ZNF416: variants seen among roughly 807,000 people sequenced by gnomAD.
ZNF416 encodes the protein zinc finger protein 416.
A neutral mutation model predicts 10.9 loss-of-function variants in ZNF416; 5 were observed. The observed-to-expected ratio is 0.46, with a 90% CI of 0.24 to 0.97. ZNF416 has a LOEUF of 0.97. ZNF416 is among the 50% of genes least tolerant of loss of function. ZNF416 has a pLI of 0.19. For missense variants in ZNF416, 675 were observed against 715.0 expected (o/e 0.94, Z 0.64); for synonymous variants, 267 against 251.8 (o/e 1.06, Z -0.57).
At position 57,573,598 on chromosome 19, in the gene ZNF416, C is replaced by A. The variant is rs146524018; in HGVS notation, c.306G>T (p.Lys102Asn). Residue 102 changes from lysine (K) to asparagine (N), a missense_variant, in exon 4 of 4, where the codon AAG becomes AAT. By Grantham distance (94) the Lys-to-Asn change is moderately conservative (BLOSUM62 0). Transcript: ENST00000196489. ...RTPEASPSTQ[K>N]IQSCDMCVPF... ...GGACACACATGTCACAGGATTGAATCTTCTGGGTGGATGGACTGGCCTCTG... is the reference window on the plus strand; with the variant it reads ...GGACACACATGTCACAGGATTGAATATTCTGGGTGGATGGACTGGCCTCTG... The A allele has an allele frequency of 1.0e-4, 163 of 1,614,206 alleles. No homozygotes were observed. Among genetic ancestry groups the A allele is most frequent in the Middle Eastern group, 4.9e-4 (3 of 6,062 alleles).
chr19:57,578,644 G>A, intron 1 of ZNF416, 28 bp downstream of exon 1: 1 of 1,539,388 alleles, frequency 6.5e-7, no homozygotes, highest in South Asian at 1.2e-5. Flanking sequence ...GGAGAGGGCA[G>A]GTGAGGCCCG....
Position 57,575,999 on chromosome 19 carries a change from C to T in ZNF416, c.76-69G>A. On this transcript the variant is annotated intron_variant, in intron 2 of 3. Transcript: ENST00000196489. This position sits in a 1 kb window ranked among gnomAD's most constrained non-coding sequence, Gnocchi z 4.4. ...TAGGACCCCAAGTTCATGCCCCCCACACATCCTTTCCCTGCTTATCCCCAT... is the reference window on the plus strand; with the variant it reads ...TAGGACCCCAAGTTCATGCCCCCCATACATCCTTTCCCTGCTTATCCCCAT... 6.4e-7 allele frequency: 1 copy of T among 1,566,440 alleles called. No homozygotes were observed. The highest frequency in any genetic ancestry group is 1.2e-5 in the South Asian group (1 of 84,408).
At chr19:57,574,726 C>T (rs562570316) in intron 3 of ZNF416, among the ~76,000 whole-genome samples, 57 of 152,266 alleles carry the variant, frequency 3.7e-4, no homozygotes, top group African/African-American at 1.3e-3. Flanking sequence ...GTACAGTACA[C>T]AAGGAGAGGC....
Position 57,575,413 on chromosome 19 carries a change from G to A in ZNF416, c.202+391C>T, listed in dbSNP as rs1978495308. Among the ~76,000 whole-genome samples the A allele has an allele frequency of 6.6e-6, 1 of 152,128 alleles. No homozygotes were observed. Among genetic ancestry groups the A allele is most frequent in the Non-Finnish European group, 1.5e-5 (1 of 68,024 alleles). ...ACACAGATCCTTGAAGGAGGTTCTG[G>A]CAACCACAGCTCATGGTCCATGTAA... On this transcript the variant is annotated intron_variant, in intron 3 of 3. Transcript: ENST00000196489. The surrounding 1 kb of genome is among the most constrained non-coding windows in gnomAD (Gnocchi z 4.4).
chr19:57,578,284 T>C (rs1014465493), intron 1 of ZNF416, among the ~76,000 whole-genome samples, 186 bp from the exon 2 acceptor site: 2 of 152,212 alleles, frequency 1.3e-5, no homozygotes, highest in Non-Finnish European at 2.9e-5. Context: ...AACTTCCCTG[T>C]GCCTCGGTGT....
At chr19:57,578,491 C>T (rs1428025744) in intron 1 of ZNF416, 181 bp downstream of exon 1, 4 of 644,104 alleles carry the variant, frequency 6.2e-6, no homozygotes, top group Non-Finnish European at 7.4e-6. Flanking sequence ...ACCGGCCCCT[C>T]CGCCTGCCAC....
chr19:57,571,851 G>T lies in ZNF416; in HGVS notation c.*268C>A. ...CTCCAAGGGTTGGGAGAACACAGGT[G>T]TATCTGCCTCGCCTTAGTATGCAAG... On this transcript the variant is annotated 3_prime_UTR_variant, in exon 4 of 4. Transcript: ENST00000196489. 2.4e-6 allele frequency: 1 copy of T among 415,320 alleles called. No individual in the cohort carries two copies. The highest frequency in any genetic ancestry group is 4.3e-6 in the Non-Finnish European group (1 of 230,916). 25.7% of individuals were successfully genotyped at this position (415,320 alleles called of 1,614,324 possible).
At chr19:57,578,553 G>C (rs1016680138) in intron 1 of ZNF416, 119 bp downstream of exon 1, 51 of 1,158,196 alleles carry the variant, frequency 4.4e-5, no homozygotes, top group Non-Finnish European at 5.9e-5. Flanking sequence ...CCACCCGCGA[G>C]GGCCTCATAG....
At position 57,572,903 on chromosome 19, in the gene ZNF416, G is replaced by T; in HGVS notation, c.1001C>A (p.Ser334Tyr). The change falls in exon 4 of 4, where the codon TCT (serine) becomes TAT (tyrosine). Residue 334 changes from serine to tyrosine, a missense_variant. Ser to Tyr is a moderately radical substitution (Grantham distance 144, BLOSUM62 -2). Transcript: ENST00000196489. The surrounding 1 kb of genome is among the most constrained non-coding windows in gnomAD (Gnocchi z 4.5). ...AATAAGGTTGGAACTTTGGCTAAAA[G>T]ATTTCCCACATTCACCACACTCGTA... ...RPYECGECGK[S>Y]FSQSSNLIEH... 1.2e-6 allele frequency: 2 copies of T among 1,613,872 alleles called. No individual in the cohort carries two copies. The highest frequency in any genetic ancestry group is 1.7e-6 in the Non-Finnish European group (2 of 1,179,888).
At position 57,571,952 on chromosome 19, in the gene ZNF416, T is replaced by A. The variant is rs754129651; in HGVS notation, c.*167A>T. 5.0e-6 allele frequency: 4 copies of A among 805,280 alleles called. No homozygotes were observed. In the South Asian group the frequency reaches 5.6e-5, roughly 11 times the overall value. 49.9% of individuals were successfully genotyped at this position (805,280 alleles called of 1,614,324 possible). ...CAAAGGAGCTCCTGCAAGACACATA[T>A]GCCTGGAACTAATGGGAGTCTGACC... On this transcript the variant is annotated 3_prime_UTR_variant, in exon 4 of 4. Transcript: ENST00000196489.
chr19:57,571,837 G>A lies in ZNF416; in HGVS notation c.*282C>T. ...GCTCAAGGAATTTCCTCCAAGGGTT[G>A]GGAGAACACAGGTGTATCTGCCTCG... On this transcript the variant is annotated 3_prime_UTR_variant, in exon 4 of 4. Transcript: ENST00000196489. 1 of 366,784 alleles carries A rather than the reference G, an allele frequency of 2.7e-6. No homozygotes were observed. The allele number at this position is 366,784 out of a possible 1,614,324, so 22.7% of individuals were successfully genotyped here. A position where few individuals can be genotyped will look rare whatever the true frequency, so the allele number is the denominator to read the frequency against.
Position 57,572,926 on chromosome 19 carries a change from G to C in ZNF416, c.978C>G (p.Tyr326Ter). 3.1e-6 allele frequency: 5 copies of C among 1,612,100 alleles called. No individual in the cohort carries two copies. Among genetic ancestry groups the C allele is most frequent in the Non-Finnish European group, 3.4e-6 (4 of 1,179,466 alleles). The change falls in exon 4 of 4, where the codon TAC (tyrosine) becomes TAG (stop). Residue 326 changes from tyrosine to a stop codon, truncating the protein, a stop_gained. Transcript: ENST00000196489. LOFTEE classifies it low-confidence loss of function (END_TRUNC). The surrounding 1 kb of genome is among the most constrained non-coding windows in gnomAD (Gnocchi z 4.5). Reference sequence around the variant, plus strand: ...AAGATTTCCCACATTCACCACACTCGTAAGGCCTTTCTCCAGTGTGAACTC... The same window carrying C: ...AAGATTTCCCACATTCACCACACTCCTAAGGCCTTTCTCCAGTGTGAACTC... Reference protein sequence around the residue: ...HHRVHTGERPYECGECGKSFS... With the variant: ...HHRVHTGERP
chr19:57,578,141 G>A (rs1009530901), intron 1 of ZNF416, 43 bp from the exon 2 acceptor site: 1 of 1,607,714 alleles, frequency 6.2e-7, no homozygotes, highest in Admixed American at 1.7e-5. Context: ...AACTATGGTG[G>A]AAGCTCCATG....
rs371519567 is a variant in ZNF416 at position 57,578,291 on chromosome 19, GT to G, written c.34-194del. Among the ~76,000 whole-genome samples the G allele has an allele frequency of 1.6e-3, 242 of 152,290 alleles. 1 individual carries two copies. Among genetic ancestry groups the G allele is most frequent in the African/African-American group, 5.7e-3 (238 of 41,560 alleles). On this transcript the variant is annotated intron_variant, in intron 1 of 3. Coordinates refer to ENST00000196489, the MANE Select transcript of ZNF416 (RefSeq NM_017879.3). ...AAGGACTCAACTTCCCTGTGCCTCG[GT>G]GTTATCCCCCTTCCAGGCTGTTCCA...
At position 57,578,551 on chromosome 19, in the gene ZNF416, G is replaced by A. The variant is rs1978634741; in HGVS notation, c.33+121C>T. 6.1e-6 allele frequency: 7 copies of A among 1,148,170 alleles called. No homozygotes were observed. The African/African-American group carries it at 9.7e-5, about 16-fold the overall frequency. 71.1% of individuals were successfully genotyped at this position (1,148,170 alleles called of 1,614,324 possible). ...GCTTGTAAATGGGAGCCCCACCCGC[G>A]AGGGCCTCATAGTCCTGGACTCTAG... On this transcript the variant is annotated intron_variant, in intron 1 of 3. Transcript: ENST00000196489.
rs1357556064 is a variant in ZNF416, at chr19:57,572,032, A to G, written c.*87T>C. The G allele has an allele frequency of 1.3e-6, 2 of 1,507,676 alleles. No individual in the cohort carries two copies. Among genetic ancestry groups the G allele is most frequent in the African/African-American group, 2.8e-5 (2 of 71,536 alleles). 93.4% of individuals were successfully genotyped at this position (1,507,676 alleles called of 1,614,324 possible). ...ACTTTAGGCAGACGGCTCCTTCACA[A>G]AGGCTCTCTATAGCCATAACACTGA... is the stretch of plus-strand genomic sequence containing the variant. On this transcript the variant is annotated 3_prime_UTR_variant, in exon 4 of 4. Transcript: ENST00000196489. The surrounding 1 kb of genome is among the most constrained non-coding windows in gnomAD (Gnocchi z 4.5).
chr19:57,574,284 AC>A (rs1477708288), intron 3 of ZNF416, among the ~76,000 whole-genome samples: 1 of 152,160 alleles, frequency 6.6e-6, no homozygotes, highest in African/African-American at 2.4e-5. Flanking sequence ...CCCAAAGCAA[AC>A]TACTCAAATT....
Position 57,575,944 on chromosome 19 carries a change from G to A in ZNF416, c.76-14C>T. Reference sequence around the variant, plus strand: ...GGTCACACAGCCCTGCCATGATGGGGATAGATCTTTCCATGATCAGATTCT... The same window carrying A: ...GGTCACACAGCCCTGCCATGATGGGAATAGATCTTTCCATGATCAGATTCT... On this transcript the variant is annotated splice_polypyrimidine_tract_variant and intron_variant, in intron 2 of 3. Coordinates refer to ENST00000196489, the MANE Select transcript of ZNF416 (RefSeq NM_017879.3). This position sits in a 1 kb window ranked among gnomAD's most constrained non-coding sequence, Gnocchi z 4.4. 1 of 1,611,934 alleles carries A rather than the reference G, an allele frequency of 6.2e-7. No homozygotes were observed. The highest frequency in any genetic ancestry group is 8.5e-7 in the Non-Finnish European group (1 of 1,178,844).
intron 2 of ZNF416, among the ~76,000 whole-genome samples, chr19:57,577,321 C>G (rs1025924974): frequency 6.6e-6 from 1 of 152,162 alleles, no homozygotes; most frequent in African/African-American, 2.4e-5. Flanking sequence ...ATCAAAATTT[C>G]TGATTATCTC....
Sources: gnomAD v4.1 joint callset for allele counts (sites outside exome capture counted in the v4.1 genomes callset) on GRCh38, gnomAD v4.1.1 for gene constraint, Gnocchi (gnomAD v3.1) non-coding constraint, MANE v1.5 for transcripts, NCBI Gene and HGNC (gene_info 2026-07-23, HGNC 2026-07-21) for gene names.